CFAP43: variants seen among roughly 807,000 people sequenced by gnomAD.
CFAP43 encodes cilia and flagella associated protein 43.
A neutral mutation model predicts 218.9 loss-of-function variants in CFAP43; 155 were observed. That is an observed-to-expected ratio of 0.71 (90% confidence interval 0.62 to 0.81). CFAP43 has a LOEUF of 0.81. CFAP43 is among the 30% of genes least tolerant of loss of function. The pLI, the probability that CFAP43 is intolerant of heterozygous loss-of-function variation, is 0.00. For missense variants in CFAP43, 1,778 were observed against 1,954.3 expected (o/e 0.91, Z 1.70); for synonymous variants, 645 against 681.3 (o/e 0.95, Z 0.83).
intron 16 of CFAP43, among the ~76,000 whole-genome samples, chr10:104,183,515 G>A (rs928867529): frequency 3.4e-4 from 52 of 150,918 alleles, no homozygotes; most frequent in African/African-American, 1.2e-3. Context: ...TCAGCCTCCC[G>A]AGTAGCTGGG....
chr10:104,176,186 T>G (rs1029297526), intron 19 of CFAP43, among the ~76,000 whole-genome samples: 6 of 151,966 alleles, frequency 3.9e-5, no homozygotes, highest in Non-Finnish European at 7.4e-5. Context: ...TAGAACAGAG[T>G]CCAGCAACAA....
chr10:104,188,901 G>C (rs1233714421), intron 12 of CFAP43, among the ~76,000 whole-genome samples: 1 of 152,124 alleles, frequency 6.6e-6, no homozygotes, highest in Non-Finnish European at 1.5e-5. Context: ...GGTGTGCCAG[G>C]CCTGGAGCCC....
At chr10:104,152,862 A>G (rs1408257178) in intron 27 of CFAP43, 136 bp from the exon 28 acceptor site, 5 of 849,568 alleles carry the variant, frequency 5.9e-6, no homozygotes, top group Non-Finnish European at 7.0e-6. Flanking sequence ...GTACTCTCTT[A>G]AACCAGAGAT....
intron 26 of CFAP43, among the ~76,000 whole-genome samples, chr10:104,161,658 T>C (rs957639037): frequency 1.3e-5 from 2 of 152,102 alleles, no homozygotes; most frequent in Non-Finnish European, 1.5e-5. Flanking sequence ...TGAGACAGGG[T>C]CTTGCTCTGT....
chr10:104,164,803 G>A (rs1206336730), intron 23 of CFAP43, among the ~76,000 whole-genome samples: 2 of 152,164 alleles, frequency 1.3e-5, no homozygotes, highest in Non-Finnish European at 2.9e-5. Flanking sequence ...GGTATGGGTA[G>A]GATTAAGGCT....
intron 14 of CFAP43, 55 bp downstream of exon 14, chr10:104,187,265 A>C: frequency 6.8e-7 from 1 of 1,466,866 alleles, no homozygotes; most frequent in Non-Finnish European, 9.1e-7. Context: ...AATCAGTATA[A>C]TGTATCAATC....
rs567089953 is a variant in CFAP43, at chr10:104,223,920, C to T, written c.416+1541G>A. On this transcript the variant is annotated intron_variant, in intron 3 of 37. Coordinates refer to ENST00000357060, the MANE Select transcript of CFAP43 (RefSeq NM_025145.7). ...AAGAAGCCCGACAAAAGAATATACACTGTGTCACTCCCTGTATATGAACTA... is the reference window on the plus strand; with the variant it reads ...AAGAAGCCCGACAAAAGAATATACATTGTGTCACTCCCTGTATATGAACTA... Among the ~76,000 whole-genome samples, 102 of 152,312 alleles carry T rather than the reference C, an allele frequency of 6.7e-4. 1 individual carries two copies. In the South Asian group the frequency reaches 9.7e-3, roughly 15 times the overall value.
At chr10:104,153,400 A>G (rs10219040) in intron 27 of CFAP43, among the ~76,000 whole-genome samples, 22,669 of 152,154 alleles carry the variant, frequency 0.15, 1,875 homozygotes, top group South Asian at 0.2. Context: ...AAAATAACTA[A>G]AAGAGTGTAA....
Position 104,130,102 on chromosome 10 carries a change from A to T in CFAP43, c.*37T>A. 1.3e-6 allele frequency: 2 copies of T among 1,537,160 alleles called. No homozygotes were observed. Among genetic ancestry groups the T allele is most frequent in the South Asian group, 1.3e-5 (1 of 78,792 alleles). ...TTACCCAAATGAAATGATTTTTTAA[A>T]TGATTGATTTGGCCTTGTGTTTTCC... On this transcript the variant is annotated 3_prime_UTR_variant, in exon 38 of 38. Transcript: ENST00000357060.
At chr10:104,192,366 T>G in intron 11 of CFAP43, 64 bp from the exon 12 acceptor site, 1 of 1,222,812 alleles carries the variant, frequency 8.2e-7, no homozygotes, top group East Asian at 2.4e-5. Context: ...GTGAACAAGT[T>G]TATTGAATGG....
intron 2 of CFAP43, among the ~76,000 whole-genome samples, chr10:104,228,958 C>A (rs1161932084): frequency 7.2e-5 from 11 of 152,186 alleles, no homozygotes; most frequent in African/African-American, 2.6e-4. Flanking sequence ...ATTAGTATTA[C>A]TGGGAATTCC....
intron 29 of CFAP43, among the ~76,000 whole-genome samples, chr10:104,147,436 TAG>T (rs2088030340): frequency 6.6e-6 from 1 of 152,076 alleles, no homozygotes; most frequent in South Asian, 2.1e-4. Flanking sequence ...AGCTCATATT[TAG>T]AGTTTTTCAT....
Position 104,157,736 on chromosome 10 carries a change from A to ATGTG in CFAP43, c.3540+3297_3540+3300dup, listed in dbSNP as rs71485761. Among the ~76,000 whole-genome samples the ATGTG allele has an allele frequency of 9.6e-3, 1,031 of 106,872 alleles. 10 individuals are homozygous for ATGTG. The highest frequency in any genetic ancestry group is 0.027 in the African/African-American group (597 of 22,066). The allele number at this position is 106,872 out of a possible 152,430, so 70.1% of individuals were successfully genotyped here. Reference sequence around the variant, plus strand: ...TTGAGTTGGAATTGGAGCTAACTGGATGTGTGTGTGTGTGTGTGTGTGTGT... The same window carrying ATGTG: ...TTGAGTTGGAATTGGAGCTAACTGGATGTGTGTGTGTGTGTGTGTGTGTGTGTGT... On this transcript the variant is annotated intron_variant, in intron 27 of 37. Transcript: ENST00000357060.
intron 21 of CFAP43, 100 bp from the exon 22 acceptor site, chr10:104,167,837 A>G (rs2089239649): frequency 1.0e-5 from 8 of 765,940 alleles, no homozygotes; most frequent in Non-Finnish European, 1.5e-5. Flanking sequence ...AAATTAACCC[A>G]TAGGTTATCA....
chr10:104,231,398 C>T (rs187398217), intron 1 of CFAP43, among the ~76,000 whole-genome samples: 232 of 152,034 alleles, frequency 1.5e-3, no homozygotes, highest in Non-Finnish European at 2.2e-3. Flanking sequence ...GGAATGAAGT[C>T]GACGTGAATG....
chr10:104,174,821 C>T (rs759613967), intron 19 of CFAP43, among the ~76,000 whole-genome samples: 10 of 151,608 alleles, frequency 6.6e-5, no homozygotes, highest in Non-Finnish European at 1.3e-4. Flanking sequence ...TTTGGGAGGC[C>T]GAGGTGGGCG....
rs547946694 is a variant in CFAP43 at position 104,178,476 on chromosome 10, G to A, written c.2460+553C>T. Among the ~76,000 whole-genome samples the A allele has an allele frequency of 1.7e-3, 265 of 152,312 alleles. 1 individual carries two copies. The highest frequency in any genetic ancestry group is 3.3e-3 in the Admixed American group (51 of 15,304). ...AATATTCAAATAACTATCATAGTGT[G>A]TATTCCAAGCACGGATTTATATGTG... On this transcript the variant is annotated intron_variant, in intron 19 of 37. Transcript: ENST00000357060.
rs768911181 is a variant in CFAP43, at chr10:104,152,747, A to G, written c.3541-21T>C. 38 of 1,599,724 alleles carry G rather than the reference A, an allele frequency of 2.4e-5. No individual in the cohort carries two copies. The South Asian group carries it at 4.2e-4, about 18-fold the overall frequency. ...AATGACTAAAAGGAAAACAATAGTA[A>G]AGTTAACGTTTAAGAGTATTAAAGG... On this transcript the variant is annotated intron_variant, in intron 27 of 37. Transcript: ENST00000357060.
At chr10:104,164,690 G>A (rs1163685157) in intron 23 of CFAP43, among the ~76,000 whole-genome samples, 2 of 152,148 alleles carry the variant, frequency 1.3e-5, no homozygotes, top group East Asian at 1.9e-4. Flanking sequence ...GAGCCACCGC[G>A]CCTGGCCCCA....
Sources: gnomAD v4.1 joint callset for allele counts (sites outside exome capture counted in the v4.1 genomes callset) on GRCh38, gnomAD v4.1.1 for gene constraint, MANE v1.5 for transcripts, NCBI Gene and HGNC (gene_info 2026-07-23, HGNC 2026-07-21) for gene names.